Variants in DOCK4 observed in about 807,000 individuals in gnomAD.
The protein encoded by DOCK4 is dedicator of cytokinesis 4.
DOCK4 carries 97 observed loss-of-function variants against 268.1 expected under a neutral mutation model. The ratio of observed to expected loss-of-function variants is 0.36; its 90% CI spans 0.31 to 0.43. The LOEUF (loss-of-function observed/expected upper bound fraction) is 0.43, where lower values mean the gene tolerates loss of function less well. Among genes scored for constraint, DOCK4 ranks in the 20% least tolerant of loss-of-function variants. The probability of loss-of-function intolerance (pLI) is 1.00; values close to 1 mark genes in which losing one functional copy is unlikely to be tolerated. For missense variants in DOCK4, 2,145 were observed against 2,455.7 expected, an observed-to-expected ratio of 0.87 and a Z score of 2.67; for synonymous variants, 954 against 887.2, an observed-to-expected ratio of 1.08 and a Z score of -1.34.
At chr7:112,120,519 CATACTA>C (rs1252148754) in intron 1 of DOCK4, among the ~76,000 whole-genome samples, 3 of 152,170 alleles carry the variant, frequency 2.0e-5, no homozygotes, top group Non-Finnish European at 4.4e-5. Context: ...TCCTACTAGT[CATACTA>C]AAAGTAAATG....
chr7:112,166,805 A>G (rs1011231949), intron 1 of DOCK4, among the ~76,000 whole-genome samples: 2 of 152,106 alleles, frequency 1.3e-5, no homozygotes, highest in Non-Finnish European at 2.9e-5. Context: ...GGAATAATAA[A>G]TTCTGATAAC....
chr7:111,933,110 G>A (rs1032493908), intron 12 of DOCK4, among the ~76,000 whole-genome samples: 4 of 121,962 alleles, frequency 3.3e-5, no homozygotes, highest in Non-Finnish European at 3.4e-5. Flanking sequence ...ATATATATAC[G>A]TATATACACA....
chr7:111,862,623 T>A (rs77979921), intron 23 of DOCK4, among the ~76,000 whole-genome samples: 48,134 of 150,048 alleles, frequency 0.32, 7,773 homozygotes, highest in East Asian at 0.36. Context: ...CCCGAGTAGA[T>A]GGGATTACAG....
At chr7:112,101,818 G>A (rs1000481443) in intron 1 of DOCK4, among the ~76,000 whole-genome samples, 2 of 150,618 alleles carry the variant, frequency 1.3e-5, no homozygotes, top group African/African-American at 4.9e-5. Flanking sequence ...AAATGCTAAG[G>A]TTCTGAGACC....
intron 1 of DOCK4, among the ~76,000 whole-genome samples, chr7:112,038,841 T>C (rs995517626): frequency 9.2e-5 from 14 of 152,236 alleles, no homozygotes; most frequent in Non-Finnish European, 1.8e-4. Context: ...AACTGTAATG[T>C]TTTGTGACTA....
At chr7:111,873,038 C>A (rs1041728240) in intron 17 of DOCK4, among the ~76,000 whole-genome samples, 7 of 152,206 alleles carry the variant, frequency 4.6e-5, no homozygotes, top group African/African-American at 1.4e-4. Flanking sequence ...GCAACCAACT[C>A]CACCCAGGAA....
rs199869959 is a variant in DOCK4, at chr7:111,940,121, C to G, written c.966G>C (p.Leu322=). The G allele has an allele frequency of 6.2e-7, 1 of 1,613,930 alleles. No homozygotes were observed. The highest frequency in any genetic ancestry group is 1.7e-5 in the Admixed American group (1 of 60,010). ...LTGETKDDLI[L]KVYMCNTESE... ...TGCATGTTTCTTACATGTATACTTT[C>G]AGAATGAGGTCATCCTTTGTCTCTC... Residue 322 remains leucine, a synonymous_variant, in exon 11 of 53, where the codon CTG becomes CTC. Coordinates refer to ENST00000428084, the MANE Select transcript of DOCK4 (RefSeq NM_001363540.2).
intron 1 of DOCK4, among the ~76,000 whole-genome samples, chr7:112,182,925 A>G (rs1336061239): frequency 6.6e-6 from 1 of 152,252 alleles, no homozygotes; most frequent in Admixed American, 6.5e-5. Context: ...CCTGGGCCCC[A>G]GCACAGCTGG....
rs147237157 is a variant in DOCK4, at chr7:111,892,483, T to C, written c.1587+3129A>G. On this transcript the variant is annotated intron_variant, in intron 16 of 52. Coordinates refer to ENST00000428084, the MANE Select transcript of DOCK4 (RefSeq NM_001363540.2). ...TCCCAAAGTGCTGGGATTACAGGCATGAGCCACTGTGCCAGGCCCAGTTTT... is the reference window on the plus strand; with the variant it reads ...TCCCAAAGTGCTGGGATTACAGGCACGAGCCACTGTGCCAGGCCCAGTTTT... 9.0e-3 allele frequency among the ~76,000 whole-genome samples: 1,366 copies of C among 152,342 alleles called. 10 individuals carry two copies. The highest frequency in any genetic ancestry group is 0.065 in the Middle Eastern group (19 of 294).
intron 10 of DOCK4, among the ~76,000 whole-genome samples, chr7:111,943,868 T>C (rs1359934942): frequency 6.6e-6 from 1 of 152,206 alleles, no homozygotes; most frequent in Admixed American, 6.5e-5. Context: ...CAATGCACAA[T>C]GCAGTTATCG....
At chr7:111,809,996 A>AC (rs1800972473) in intron 28 of DOCK4, among the ~76,000 whole-genome samples, 1 of 152,182 alleles carries the variant, frequency 6.6e-6, no homozygotes, top group African/African-American at 2.4e-5. Flanking sequence ...AGCAAAAAAA[A>AC]AAAAGGACAT....
At chr7:112,168,738 A>C (rs1817824342) in intron 1 of DOCK4, among the ~76,000 whole-genome samples, 1 of 152,164 alleles carries the variant, frequency 6.6e-6, no homozygotes, top group African/African-American at 2.4e-5. Context: ...AAGTAACATA[A>C]GGACTTAGGT....
intron 42 of DOCK4, among the ~76,000 whole-genome samples, chr7:111,751,787 C>T (rs1395066032): frequency 6.6e-6 from 1 of 151,840 alleles, no homozygotes; most frequent in Non-Finnish European, 1.5e-5. Flanking sequence ...AGGGTTGAGA[C>T]TGTCACCGAG....
intron 1 of DOCK4, among the ~76,000 whole-genome samples, chr7:112,106,001 T>A (rs1418523880): frequency 1.3e-5 from 2 of 152,170 alleles, no homozygotes; most frequent in Non-Finnish European, 2.9e-5. Flanking sequence ...AGAGCCTTTA[T>A]CTTCTATCAA....
intron 37 of DOCK4, among the ~76,000 whole-genome samples, chr7:111,768,837 C>A (rs1411181325): frequency 6.6e-6 from 1 of 152,256 alleles, no homozygotes; most frequent in East Asian, 1.9e-4. Flanking sequence ...TCAGAGAATA[C>A]AATATCTGCG....
In DOCK4 at chr7:111,728,163, C is replaced by A; in HGVS notation, c.*111G>T. The A allele has an allele frequency of 1.3e-6, 1 of 788,336 alleles. No homozygotes were observed. The highest frequency in any genetic ancestry group is 3.8e-5 in the Admixed American group (1 of 26,104). 48.8% of individuals were successfully genotyped at this position (788,336 alleles called of 1,614,324 possible). On this transcript the variant is annotated 3_prime_UTR_variant, in exon 53 of 53. Transcript: ENST00000428084. Reference sequence around the variant, plus strand: ...TTAATAAGCAAGTTTTAATTCCATTCATCGAAGGAGCTGAGTAAGTTATTA... The same window carrying A: ...TTAATAAGCAAGTTTTAATTCCATTAATCGAAGGAGCTGAGTAAGTTATTA...
At chr7:111,843,473 C>T (rs925364471) in intron 25 of DOCK4, among the ~76,000 whole-genome samples, 1 of 152,134 alleles carries the variant, frequency 6.6e-6, no homozygotes. Context: ...AAAAGTTGCT[C>T]AGCATCATTA....
rs146053533 is a variant in DOCK4 at position 112,103,355 on chromosome 7, G to C, written c.38-99224C>G. Reference sequence around the variant, plus strand: ...GAAAAATGAATGAGAACTGGAGCCCGGAGAAGTCCTAACCACAAATCCACA... The same window carrying C: ...GAAAAATGAATGAGAACTGGAGCCCCGAGAAGTCCTAACCACAAATCCACA... On this transcript the variant is annotated intron_variant, in intron 1 of 52. Coordinates refer to ENST00000428084, the MANE Select transcript of DOCK4 (RefSeq NM_001363540.2). 1.7e-3 allele frequency among the ~76,000 whole-genome samples: 266 copies of C among 152,228 alleles called. 1 individual carries two copies. The highest frequency in any genetic ancestry group is 6.0e-3 in the African/African-American group (248 of 41,540).
At chr7:111,769,425 A>G in intron 37 of DOCK4, 104 bp downstream of exon 37, 1 of 1,395,616 alleles carries the variant, frequency 7.2e-7, no homozygotes, top group South Asian at 1.3e-5. Context: ...AGATGTGAGG[A>G]TCCCTGCTTA....
Sources: allele counts gnomAD v4.1 joint callset (sites outside exome capture counted in the v4.1 genomes callset), GRCh38; gene constraint gnomAD v4.1.1; transcripts MANE v1.5; gene names NCBI Gene and HGNC (gene_info 2026-07-23, HGNC 2026-07-21).